Variants in LUZP2 observed in about 807,000 individuals in gnomAD.
The protein encoded by LUZP2 is leucine zipper protein 2.
LUZP2 carries 52 observed loss-of-function variants against 51.6 expected under a neutral mutation model. That is an observed-to-expected ratio of 1.01 (90% CI 0.81 to 1.27). The LOEUF is 1.27. Among genes scored for constraint, LUZP2 ranks in the 50% most tolerant of loss-of-function variants. The pLI is 0.00. For synonymous variants in LUZP2, 154 were observed against 137.3 expected, an observed-to-expected ratio of 1.12 and a Z score of -0.85; for missense variants, 436 against 395.4, an observed-to-expected ratio of 1.10 and a Z score of -0.87.
chr11:25,002,703 G>A (rs964791713), intron 9 of LUZP2, among the ~76,000 whole-genome samples: 6 of 152,130 alleles, frequency 3.9e-5, no homozygotes, highest in Non-Finnish European at 5.9e-5. Context: ...GTTGTCCCAC[G>A]AGTATGAGTA....
chr11:24,646,648 A>G (rs1203561147), intron 1 of LUZP2: 2 of 965,598 alleles, frequency 2.1e-6, no homozygotes, highest in East Asian at 1.1e-4. Flanking sequence ...TCTTTAATCA[A>G]GAAAGCAAAT....
chr11:24,912,005 G>A (rs146168333), intron 6 of LUZP2, among the ~76,000 whole-genome samples: 1 of 152,250 alleles, frequency 6.6e-6, no homozygotes, highest in African/African-American at 2.4e-5. Context: ...ATTACCCTGT[G>A]AGAAACCATA....
intron 4 of LUZP2, among the ~76,000 whole-genome samples, chr11:24,752,168 A>G (rs895149807): frequency 6.6e-6 from 1 of 152,140 alleles, no homozygotes; most frequent in Non-Finnish European, 1.5e-5. Context: ...AATAAATAGA[A>G]ACTTTATCGT....
intron 1 of LUZP2, among the ~76,000 whole-genome samples, chr11:24,525,487 C>A (rs1193617514): frequency 6.6e-6 from 1 of 151,238 alleles, no homozygotes; most frequent in African/African-American, 2.4e-5. Context: ...TGTCTGGGAG[C>A]AAAGTTAAGT....
rs192235959 is a variant in LUZP2, at chr11:24,934,012, G to A, written c.522+19474G>A. On this transcript the variant is annotated intron_variant, in intron 7 of 11. Coordinates refer to ENST00000336930, the MANE Select transcript of LUZP2 (RefSeq NM_001009909.4). ...GTACCTTCTCAAGGATGGGGAGGGT[G>A]TATCGTACAAAGTACATTCTCAAGG... 5.4e-4 allele frequency among the ~76,000 whole-genome samples: 82 copies of A among 152,298 alleles called. 3 individuals carry two copies. The East Asian group carries it at 0.011, about 20-fold the overall frequency.
chr11:24,622,073 T>TGGGA (rs1854514390), intron 1 of LUZP2, among the ~76,000 whole-genome samples: 1 of 152,028 alleles, frequency 6.6e-6, no homozygotes, highest in Non-Finnish European at 1.5e-5. Context: ...CCCAAGCAGC[T>TGGGA]GGGACTACAG....
chr11:24,719,597 T>C (rs537483436), intron 1 of LUZP2, among the ~76,000 whole-genome samples: 14 of 152,328 alleles, frequency 9.2e-5, no homozygotes, highest in South Asian at 2.1e-4. Context: ...ATGTAGTACA[T>C]TGTTTGCAAA....
At chr11:24,993,539 T>C (rs1449790534) in intron 9 of LUZP2, among the ~76,000 whole-genome samples, 1 of 152,144 alleles carries the variant, frequency 6.6e-6, no homozygotes, top group East Asian at 1.9e-4. Context: ...AACTGTATGA[T>C]TAATCATATA....
chr11:24,556,400 A>G (rs1851870402), intron 1 of LUZP2, among the ~76,000 whole-genome samples: 1 of 152,206 alleles, frequency 6.6e-6, no homozygotes, highest in South Asian at 2.1e-4. Context: ...CCAGTGAGAG[A>G]ATCTAGATTT....
chr11:24,976,527 A>T, intron 7 of LUZP2, 64 bp from the exon 8 acceptor site: 1 of 1,034,510 alleles, frequency 9.7e-7, no homozygotes. Flanking sequence ...AATATATGAC[A>T]GATGCTTAAA....
At chr11:24,807,237 C>A (rs907344600) in intron 5 of LUZP2, among the ~76,000 whole-genome samples, 2 of 151,866 alleles carry the variant, frequency 1.3e-5, no homozygotes, top group African/African-American at 2.4e-5. Flanking sequence ...GGGAGGTGGG[C>A]AGATCACCTG....
Position 24,796,491 on chromosome 11 carries a change from CTGTGTGTGTGTGTG to C in LUZP2, c.396+33212_396+33225del, listed in dbSNP as rs57329413. 4.0e-4 allele frequency among the ~76,000 whole-genome samples: 50 copies of C among 124,632 alleles called. No homozygotes were observed. In the South Asian group the frequency reaches 5.7e-3, roughly 14 times the overall value. The allele number at this position is 124,632 out of a possible 152,430, so 81.8% of individuals were successfully genotyped here. On this transcript the variant is annotated intron_variant, in intron 5 of 11. Transcript: ENST00000336930. ...TATAATTTTGTATGGTAATAATAAT[CTGTGTGTGTGTGTG>C]TGTGTGTGTGTGTGTGTGTGTGTGT...
At chr11:24,993,510 G>T (rs1352026183) in intron 9 of LUZP2, among the ~76,000 whole-genome samples, 2 of 152,038 alleles carry the variant, frequency 1.3e-5, no homozygotes, top group Non-Finnish European at 2.9e-5. Context: ...GTATCTCCCA[G>T]TTATTACTGG....
At chr11:24,993,300 A>C (rs1856405419) in intron 9 of LUZP2, among the ~76,000 whole-genome samples, 1 of 152,176 alleles carries the variant, frequency 6.6e-6, no homozygotes, top group Non-Finnish European at 1.5e-5. Flanking sequence ...TAAGGAAATT[A>C]ACAACTATTA....
rs1051923333 is a variant in LUZP2 at position 24,699,454 on chromosome 11, T to A, written c.63-29715T>A. 2.0e-5 allele frequency among the ~76,000 whole-genome samples: 3 copies of A among 152,134 alleles called. No individual in the cohort carries two copies. The East Asian group carries it at 5.8e-4, about 29-fold the overall frequency. ...AATTAAAATTGACAGACATTACAGA[T>A]GCATTGAATACTAAAGGTAGAAAAA... is the stretch of plus-strand genomic sequence containing the variant. On this transcript the variant is annotated intron_variant, in intron 1 of 11. Coordinates refer to ENST00000336930, the MANE Select transcript of LUZP2 (RefSeq NM_001009909.4).
At chr11:24,882,551 T>C (rs1030301515) in intron 5 of LUZP2, among the ~76,000 whole-genome samples, 13 of 152,190 alleles carry the variant, frequency 8.5e-5, no homozygotes, top group Non-Finnish European at 1.0e-4. Flanking sequence ...GTATCCATCA[T>C]TGTAGTATTA....
chr11:24,960,804 G>T (rs1218963729), intron 7 of LUZP2, among the ~76,000 whole-genome samples: 1 of 151,978 alleles, frequency 6.6e-6, no homozygotes, highest in Non-Finnish European at 1.5e-5. Flanking sequence ...GAATGTGTTT[G>T]CTCTTGCTTT....
chr11:24,572,012 T>G (rs1509588), intron 1 of LUZP2, among the ~76,000 whole-genome samples: 87,552 of 151,626 alleles, frequency 0.58, 25,807 homozygotes, highest in East Asian at 0.8. Flanking sequence ...TATGTACATT[T>G]TCACTCTGGA....
chr11:24,608,311 A>T (rs760052263), intron 1 of LUZP2, among the ~76,000 whole-genome samples: 4 of 152,222 alleles, frequency 2.6e-5, no homozygotes, highest in African/African-American at 4.8e-5. Context: ...TACAAGGCAG[A>T]CACAGAAGGT....
Sources: gnomAD v4.1 joint callset for allele counts (sites outside exome capture counted in the v4.1 genomes callset) on GRCh38, gnomAD v4.1.1 for gene constraint, MANE v1.5 for transcripts, NCBI Gene and HGNC (gene_info 2026-07-23, HGNC 2026-07-21) for gene names.